Variants in GDAP1 observed in about 807,000 individuals in gnomAD.
The protein encoded by GDAP1 is ganglioside induced differentiation associated protein 1, also known as ganglioside-induced differentiation-associated protein 1.
GDAP1 carries 34 observed loss-of-function variants against 40.1 expected under a neutral mutation model. The ratio of observed to expected loss-of-function variants is 0.85; its 90% confidence interval spans 0.64 to 1.13. GDAP1 has a LOEUF of 1.13. GDAP1 is among the 50% of genes most tolerant of loss of function. The pLI is 0.00. For missense variants in GDAP1, 374 were observed against 433.7 expected (o/e 0.86, Z 1.22); for synonymous variants, 170 against 157.4 (o/e 1.08, Z -0.60).
intron 2 of GDAP1, among the ~76,000 whole-genome samples, chr8:74,415,621 G>GA (rs1212610809): frequency 6.7e-6 from 1 of 150,038 alleles, no homozygotes; most frequent in Non-Finnish European, 1.5e-5. Flanking sequence ...CAGGCCTCAG[G>GA]AAAAAGCCTT....
At position 74,363,004 on chromosome 8, in the gene GDAP1, C is replaced by T. The variant is rs1329414683; in HGVS notation, c.645C>T (p.Val215=). The T allele has an allele frequency of 1.9e-6, 3 of 1,592,254 alleles. No individual in the cohort carries two copies. The highest frequency in any genetic ancestry group is 1.3e-5 in the African/African-American group (1 of 74,444). The change falls in exon 5 of 6, where the codon GTC becomes GTT. Residue 215 remains valine, a synonymous_variant. Coordinates refer to ENST00000220822, the MANE Select transcript of GDAP1 (RefSeq NM_018972.4). ...LKKILDELEK[V]LDQVETELQR... is the part of the protein sequence containing the mutation. ...AAATTCTTGATGAGTTGGAGAAAGT[C>T]TTGGATCAGGTTGAAACTGAATTGC...
intron 2 of GDAP1, among the ~76,000 whole-genome samples, chr8:74,463,070 G>A (rs576963282): frequency 2.6e-5 from 1 of 38,748 alleles, no homozygotes; most frequent in Non-Finnish European, 6.0e-5. Flanking sequence ...AAGGCAATAA[G>A]TTACGGCAAA....
intron 2 of GDAP1, among the ~76,000 whole-genome samples, chr8:74,455,079 A>G (rs1167625336): frequency 6.6e-6 from 1 of 152,044 alleles, no homozygotes; most frequent in African/African-American, 2.4e-5. Flanking sequence ...TGAGTGTTTC[A>G]TAGTGAAACT....
At chr8:74,484,765 A>G (rs1235438305) in intron 2 of GDAP1, among the ~76,000 whole-genome samples, 1 of 152,082 alleles carries the variant, frequency 6.6e-6, no homozygotes, top group Non-Finnish European at 1.5e-5. Flanking sequence ...TCTGTGAGGC[A>G]AATCTTATTT....
chr8:74,469,647 C>A (rs1320242580), intron 2 of GDAP1, among the ~76,000 whole-genome samples: 3 of 144,510 alleles, frequency 2.1e-5, no homozygotes, highest in Non-Finnish European at 4.5e-5. Flanking sequence ...CCAGCCTGGG[C>A]TACAGAGTGA....
At chr8:74,466,695 T>G (rs1806473894) in intron 2 of GDAP1, among the ~76,000 whole-genome samples, 1 of 152,178 alleles carries the variant, frequency 6.6e-6, no homozygotes, top group African/African-American at 2.4e-5. Context: ...CATGTTAAAT[T>G]TGAAGGCGCT....
intron 2 of GDAP1, among the ~76,000 whole-genome samples, chr8:74,374,088 C>T (rs185052825): frequency 9.7e-4 from 147 of 152,226 alleles, no homozygotes; most frequent in African/African-American, 3.2e-3. Context: ...GAACCAGCCT[C>T]GCATCCCAGG....
chr8:74,356,628 C>T (rs1299596348), intron 2 of GDAP1, among the ~76,000 whole-genome samples: 1 of 148,740 alleles, frequency 6.7e-6, no homozygotes, highest in Non-Finnish European at 1.5e-5. Flanking sequence ...TCTTTTGCCT[C>T]AGGTCATAAC....
chr8:74,464,082 G>A (rs1411015755), intron 2 of GDAP1, among the ~76,000 whole-genome samples: 1 of 152,204 alleles, frequency 6.6e-6, no homozygotes, highest in African/African-American at 2.4e-5. Flanking sequence ...TGCTGCTGGT[G>A]CCTGAGTGGG....
At chr8:74,362,400 T>C (rs957214258) in intron 4 of GDAP1, among the ~76,000 whole-genome samples, 2 of 152,122 alleles carry the variant, frequency 1.3e-5, no homozygotes, top group Non-Finnish European at 2.9e-5. Context: ...CAGCAACTAT[T>C]GCAAGCTTCT....
chr8:74,421,677 G>A (rs976833632), intron 2 of GDAP1, among the ~76,000 whole-genome samples: 5 of 152,118 alleles, frequency 3.3e-5, no homozygotes, highest in Non-Finnish European at 7.4e-5. Flanking sequence ...CCAGTGAGTG[G>A]TGTCATTCCT....
chr8:74,427,101 A>C (rs1805957375), intron 2 of GDAP1, among the ~76,000 whole-genome samples: 1 of 152,144 alleles, frequency 6.6e-6, no homozygotes, highest in African/African-American at 2.4e-5. Context: ...AGGCCAGAAA[A>C]ATGCTTGTAC....
chr8:74,486,582 G>A (rs10283358), intron 2 of GDAP1, among the ~76,000 whole-genome samples: 1,747 of 152,302 alleles, frequency 0.011, 24 homozygotes, highest in African/African-American at 0.04. Context: ...ATCCAGAAAA[G>A]AGAACGTACT....
In GDAP1 at chr8:74,361,906, T is replaced by A. The variant is rs11554166; in HGVS notation, c.507T>A (p.Ser169=). 2 of 1,600,638 alleles carry A rather than the reference T, an allele frequency of 1.2e-6. No individual in the cohort carries two copies. The highest frequency in any genetic ancestry group is 1.7e-6 in the Non-Finnish European group (2 of 1,167,838). Residue 169 remains serine, a synonymous_variant, in exon 4 of 6, where the codon TCT becomes TCA. Coordinates refer to ENST00000220822, the MANE Select transcript of GDAP1 (RefSeq NM_018972.4). ...RIRSQIGNTE[S]ELKKLAEENP... is the part of the protein sequence containing the mutation. Reference sequence around the variant, plus strand: ...CAGGCCAAATTGGAAACACAGAGTCTGAGCTGAAGAAACTTGCTGAAGAAA... The same window carrying A: ...CAGGCCAAATTGGAAACACAGAGTCAGAGCTGAAGAAACTTGCTGAAGAAA...
intron 2 of GDAP1, among the ~76,000 whole-genome samples, chr8:74,480,686 C>T (rs962522144): frequency 1.1e-4 from 16 of 152,228 alleles, no homozygotes; most frequent in Admixed American, 6.5e-5. Flanking sequence ...AATTGAGTCA[C>T]ATTTCTAGAG....
intron 2 of GDAP1, among the ~76,000 whole-genome samples, chr8:74,472,314 C>A (rs1022126927): frequency 4.6e-5 from 7 of 152,194 alleles, no homozygotes; most frequent in Admixed American, 1.3e-4. Flanking sequence ...ACATGTACCA[C>A]ATTTTCTTTA....
At chr8:74,459,670 T>C (rs903934355) in intron 2 of GDAP1, among the ~76,000 whole-genome samples, 2 of 152,194 alleles carry the variant, frequency 1.3e-5, no homozygotes, top group African/African-American at 4.8e-5. Context: ...AATAACAAAT[T>C]ATACATTGAA....
At chr8:74,461,877 C>T (rs1478468016) in intron 2 of GDAP1, among the ~76,000 whole-genome samples, 1 of 152,174 alleles carries the variant, frequency 6.6e-6, no homozygotes, top group Non-Finnish European at 1.5e-5. Flanking sequence ...TCATAAAGCA[C>T]TGAAAGATTT....
rs562510634 is a variant in GDAP1, at chr8:74,453,783, G to A, written c.166-34895G>A. ...GAAAGTATTCCACTAGGTTAATGGA[G>A]CCTGATTTGTTTTTAAAACTTGAAG... On this transcript the variant is annotated intron_variant, in intron 2 of 2. Transcript: ENST00000523640. Among the ~76,000 whole-genome samples, 54 of 82,540 alleles carry A rather than the reference G, an allele frequency of 6.5e-4. 20 individuals carry two copies. Among genetic ancestry groups the A allele is most frequent in the African/African-American group, 2.9e-3 (54 of 18,914 alleles). 54.1% of individuals were successfully genotyped at this position (82,540 alleles called of 152,430 possible).
Sources: gnomAD v4.1 joint callset for allele counts (sites outside exome capture counted in the v4.1 genomes callset) on GRCh38, gnomAD v4.1.1 for gene constraint, MANE v1.5 for transcripts, NCBI Gene and HGNC (gene_info 2026-07-23, HGNC 2026-07-21) for gene names.